The following LIPH variants were observed in gnomAD, a reference collection of about 807,000 sequenced individuals.
LIPH encodes the protein lipase member H.
Under a neutral mutation model 47.6 loss-of-function variants are expected in LIPH, and 32 were observed. That is an observed-to-expected ratio of 0.67 (90% CI 0.51 to 0.90). The LOEUF (loss-of-function observed/expected upper bound fraction) is 0.90. LIPH is among the 40% of genes least tolerant of loss of function. The pLI, the probability that LIPH is intolerant of heterozygous loss-of-function variation, is 0.00. For synonymous variants in LIPH, 190 were observed against 195.6 expected, an observed-to-expected ratio of 0.97 and a Z score of 0.24; for missense variants, 497 against 541.4, an observed-to-expected ratio of 0.92 and a Z score of 0.81.
chr3:185,517,884 G>A (rs965573133), intron 6 of LIPH, among the ~76,000 whole-genome samples: 4 of 152,134 alleles, frequency 2.6e-5, no homozygotes, highest in African/African-American at 9.7e-5. Flanking sequence ...CAGTTTCAAA[G>A]TCCTAACCAC....
intron 4 of LIPH, among the ~76,000 whole-genome samples, chr3:185,526,637 TAA>T (rs1553822450): frequency 1.4e-3 from 199 of 138,858 alleles, no homozygotes; most frequent in East Asian, 4.2e-3. Context: ...AAATATAAAA[TAA>T]ATAAAATAAA....
intron 5 of LIPH, among the ~76,000 whole-genome samples, chr3:185,520,904 C>T (rs1719881682): frequency 7.1e-6 from 1 of 141,656 alleles, no homozygotes; most frequent in African/African-American, 2.7e-5. Context: ...GAGTCTCGCT[C>T]TGTTGCCCAG....
intron 8 of LIPH, among the ~76,000 whole-genome samples, 192 bp downstream of exon 8, chr3:185,514,218 G>C (rs955070630): frequency 2.6e-5 from 4 of 152,078 alleles, no homozygotes; most frequent in Non-Finnish European, 4.4e-5. Flanking sequence ...GAAAACCCTT[G>C]CACCAATCCC....
chr3:185,522,065 T>TG (rs1230235615), intron 5 of LIPH, among the ~76,000 whole-genome samples: 2 of 152,192 alleles, frequency 1.3e-5, no homozygotes, highest in Non-Finnish European at 2.9e-5. Flanking sequence ...TTGTTTGTGC[T>TG]GGGCCCCTGT....
At chr3:185,515,868 G>A (rs1719715934) in intron 7 of LIPH, among the ~76,000 whole-genome samples, 1 of 152,168 alleles carries the variant, frequency 6.6e-6, no homozygotes, top group Non-Finnish European at 1.5e-5. Flanking sequence ...CACCTGGCAT[G>A]GAAGTTCACA....
chr3:185,547,158 T>TATCTCAGACCC (rs1414821793), intron 1 of LIPH, among the ~76,000 whole-genome samples: 1 of 149,334 alleles, frequency 6.7e-6, no homozygotes, highest in Non-Finnish European at 1.5e-5. Flanking sequence ...AAAAAGAAGG[T>TATCTCAGACCC]ATCTCAGACC....
intron 9 of LIPH, among the ~76,000 whole-genome samples, chr3:185,509,929 C>CT (rs1157571369): frequency 6.8e-6 from 1 of 146,500 alleles, no homozygotes; most frequent in Non-Finnish European, 1.5e-5. Flanking sequence ...GTACCCTAAA[C>CT]TTTCTTTTTT....
In LIPH at chr3:185,519,151, G is replaced by C; in HGVS notation, c.877C>G (p.Pro293Ala). Reference sequence around the variant, plus strand: ...TGCTGGTTAGACTTACCCAGAAGGGGACAGGACTCTTTTTGTGACGTGCCG... The same window carrying C: ...TGCTGGTTAGACTTACCCAGAAGGGCACAGGACTCTTTTTGTGACGTGCCG... ...SCGTSQKESC[P>A]LLGYYADNWK... Residue 293 changes from proline to alanine, a missense_variant, in exon 6 of 10, where the codon CCC (proline) becomes GCC (alanine). Pro to Ala is a conservative substitution (Grantham distance 27, BLOSUM62 -1). Coordinates refer to ENST00000296252, the MANE Select transcript of LIPH (RefSeq NM_139248.3). The C allele has an allele frequency of 6.2e-7, 1 of 1,613,982 alleles. No homozygotes were observed. Among genetic ancestry groups the C allele is most frequent in the South Asian group, 1.1e-5 (1 of 91,084 alleles).
intron 1 of LIPH, among the ~76,000 whole-genome samples, chr3:185,545,438 C>T (rs1720840655): frequency 6.6e-6 from 1 of 152,224 alleles, no homozygotes; most frequent in African/African-American, 2.4e-5. Flanking sequence ...GCCTGCAGGT[C>T]AAACCTGGTC....
Position 185,535,009 on chromosome 3 carries a change from T to C in LIPH, c.173A>G (p.Asn58Ser). Residue 58 changes from asparagine to serine, a missense_variant, in exon 2 of 10, where the codon AAC (asparagine) becomes AGC (serine). Physicochemically the swap from Asn to Ser is conservative, Grantham distance 46. Coordinates refer to ENST00000296252, the MANE Select transcript of LIPH (RefSeq NM_139248.3). The part of the protein sequence containing the change: ...RKNLTCAQTI[N>S]SSAFGNLNVT... ...ATTCAAGTTCCCAAAAGCTGAGGAG[T>C]TGATGGTTTGTGCGCAGGTCAGGTT... 6.2e-7 allele frequency: 1 copy of C among 1,613,412 alleles called. No homozygotes were observed. The highest frequency in any genetic ancestry group is 8.5e-7 in the Non-Finnish European group (1 of 1,179,766).
chr3:185,533,839 C>G (rs1720416427), intron 2 of LIPH, among the ~76,000 whole-genome samples, 160 bp from the exon 3 acceptor site: 1 of 152,198 alleles, frequency 6.6e-6, no homozygotes, highest in Non-Finnish European at 1.5e-5. Context: ...AAATACTATT[C>G]TTTTGATTAT....
At chr3:185,512,740 C>T (rs973130482) in intron 8 of LIPH, among the ~76,000 whole-genome samples, 13 of 151,864 alleles carry the variant, frequency 8.6e-5, no homozygotes, top group African/African-American at 2.7e-4. Context: ...CCGCCTGCCT[C>T]GGCCTCCCAA....
chr3:185,526,591 A>G (rs1437989787), intron 4 of LIPH, among the ~76,000 whole-genome samples: 1 of 142,154 alleles, frequency 7.0e-6, no homozygotes, highest in Non-Finnish European at 1.5e-5. Flanking sequence ...AAGATAAAAT[A>G]AAATAAAATA....
chr3:185,536,159 C>A (rs1203966340), intron 1 of LIPH, among the ~76,000 whole-genome samples: 1 of 152,166 alleles, frequency 6.6e-6, no homozygotes, highest in Admixed American at 6.6e-5. Context: ...TGTGTCTATC[C>A]TGCTAGAACA....
chr3:185,516,981 T>C (rs1241046613), intron 7 of LIPH, 86 bp downstream of exon 7: 3 of 893,196 alleles, frequency 3.4e-6, no homozygotes, highest in Non-Finnish European at 5.7e-6. Context: ...TGGCTCTTAT[T>C]TGCCAAGAAG....
chr3:185,529,987 A>AGAGGGAGG (rs1553823344), intron 3 of LIPH, among the ~76,000 whole-genome samples: 3 of 149,512 alleles, frequency 2.0e-5, no homozygotes, highest in Admixed American at 6.7e-5. Context: ...AGAGAGAGAG[A>AGAGGGAGG]GAGAAAATAA....
rs531150955 is a variant in LIPH at position 185,549,859 on chromosome 3, C to A, written c.49+2564G>T. 9.9e-5 allele frequency among the ~76,000 whole-genome samples: 15 copies of A among 152,094 alleles called. No individual in the cohort carries two copies. The East Asian group carries it at 2.1e-3, about 22-fold the overall frequency. On this transcript the variant is annotated intron_variant, in intron 1 of 9. Transcript: ENST00000296252. Reference sequence around the variant, plus strand: ...ACAGATGTGAGCCCCTAGGACCAACCAAAAAAATTTTTTAAGATGTAGATT... The same window carrying A: ...ACAGATGTGAGCCCCTAGGACCAACAAAAAAAATTTTTTAAGATGTAGATT...
chr3:185,531,041 T>A (rs1281005784), intron 3 of LIPH, among the ~76,000 whole-genome samples: 1 of 152,104 alleles, frequency 6.6e-6, no homozygotes, highest in Non-Finnish European at 1.5e-5. Context: ...GGCTTGGACT[T>A]GGGATTTCCT....
chr3:185,552,355 T>C, intron 1 of LIPH, 68 bp downstream of exon 1: 3 of 1,106,098 alleles, frequency 2.7e-6, no homozygotes, highest in Non-Finnish European at 1.4e-6. Flanking sequence ...AATGATGACA[T>C]GCAAAATGAC....
Sources: allele counts gnomAD v4.1 joint callset (sites outside exome capture counted in the v4.1 genomes callset), GRCh38; gene constraint gnomAD v4.1.1; transcripts MANE v1.5; gene names NCBI Gene and HGNC (gene_info 2026-07-23, HGNC 2026-07-21).